TOP1: variants seen among roughly 807,000 people sequenced by gnomAD.
TOP1 encodes the protein DNA topoisomerase 1.
A neutral mutation model predicts 111.1 loss-of-function variants in TOP1; 10 were observed. The ratio of observed to expected loss-of-function variants is 0.09; its 90% CI spans 0.06 to 0.15. The LOEUF (loss-of-function observed/expected upper bound fraction) is 0.15. Among genes scored for constraint, TOP1 ranks in the 10% least tolerant of loss-of-function variants. TOP1 has a pLI of 1.00. For synonymous variants in TOP1, 271 were observed against 302.9 expected (o/e 0.89, Z 1.10); for missense variants, 474 against 926.7 (o/e 0.51, Z 6.34).
At position 41,079,145 on chromosome 20, in the gene TOP1, T is replaced by G. The variant is rs2033761012; in HGVS notation, c.336-940T>G. 6.6e-6 allele frequency among the ~76,000 whole-genome samples: 1 copy of G among 152,182 alleles called. No individual in the cohort carries two copies. Among genetic ancestry groups the G allele is most frequent in the Non-Finnish European group, 1.5e-5 (1 of 68,022 alleles). ...CAAGCAAGGGGACCCAGTATGCTTT[T>G]TTTGGTCGGAGGTACTCTTGAAACC... On this transcript the variant is annotated intron_variant, in intron 5 of 20. Transcript: ENST00000361337. The surrounding 1 kb of genome is among the most constrained non-coding windows in gnomAD (Gnocchi z 4.0).
intron 3 of TOP1, among the ~76,000 whole-genome samples, chr20:41,070,269 G>A (rs2033655153): frequency 6.6e-6 from 1 of 152,170 alleles, no homozygotes; most frequent in Non-Finnish European, 1.5e-5. Flanking sequence ...GTTAGAATGG[G>A]TATCGGTTTT....
rs528307178 is a variant in TOP1 at position 41,111,522 on chromosome 20, G to A, written c.1309-1260G>A. On this transcript the variant is annotated intron_variant, in intron 13 of 20. Transcript: ENST00000361337. ...CTGAGTACTTTTAGGATTGAGAAGT[G>A]GAAGACATTCTTGCTCTAGGTATCT... Among the ~76,000 whole-genome samples, 8 of 151,990 alleles carry A rather than the reference G, an allele frequency of 5.3e-5. No individual in the cohort carries two copies. In the East Asian group the frequency reaches 1.5e-3, roughly 29 times the overall value.
In TOP1 at chr20:41,030,912, C is replaced by T. The variant is rs2033110609; in HGVS notation, c.58+1457C>T. Among the ~76,000 whole-genome samples the T allele has an allele frequency of 6.6e-6, 1 of 152,210 alleles. No individual in the cohort carries two copies. The highest frequency in any genetic ancestry group is 2.1e-4 in the South Asian group (1 of 4,832). ...CACCAGATATGTGCCAACCACTGTG[C>T]TTGGTGCTAGAGCTGATCCTGTAAC... On this transcript the variant is annotated intron_variant, in intron 2 of 20. Transcript: ENST00000361337. The surrounding 1 kb of genome is among the most constrained non-coding windows in gnomAD (Gnocchi z 4.1).
chr20:41,115,258 T>C lies in TOP1; in HGVS notation c.1639-113T>C, dbSNP rs1011404164. The C allele has an allele frequency of 3.5e-5, 23 of 664,592 alleles. No homozygotes were observed. Among genetic ancestry groups the C allele is most frequent in the African/African-American group, 7.2e-5 (4 of 55,198 alleles). 41.2% of individuals were successfully genotyped at this position (664,592 alleles called of 1,614,324 possible). ...GTTAACAGTGAATCTCGGTGACGGA[T>C]GTATGCGTGTTCCTTGTGCCTTTTT... is the stretch of plus-strand genomic sequence containing the variant. On this transcript the variant is annotated intron_variant, in intron 15 of 20. Transcript: ENST00000361337. The surrounding 1 kb of genome is among the most constrained non-coding windows in gnomAD (Gnocchi z 6.3).
intron 2 of TOP1, among the ~76,000 whole-genome samples, chr20:41,042,278 T>G (rs1355169718): frequency 6.6e-6 from 1 of 152,258 alleles, no homozygotes; most frequent in Non-Finnish European, 1.5e-5. Context: ...AGCTTGATAC[T>G]TCACTCTAAG....
At chr20:41,091,345 A>G (rs1188600985) in intron 8 of TOP1, among the ~76,000 whole-genome samples, 1 of 152,164 alleles carries the variant, frequency 6.6e-6, no homozygotes, top group African/African-American at 2.4e-5. Context: ...ATAAATTTAG[A>G]TAAAATAGGG....
At chr20:41,090,195 G>A (rs73611256) in intron 8 of TOP1, among the ~76,000 whole-genome samples, 14 of 151,996 alleles carry the variant, frequency 9.2e-5, no homozygotes, top group African/African-American at 3.4e-4. Flanking sequence ...GGCTGGTCTC[G>A]AACTCCTGAC....
chr20:41,082,786 A>T lies in TOP1; in HGVS notation c.507+1546A>T, dbSNP rs1425779042. Among the ~76,000 whole-genome samples, 1 of 152,188 alleles carries T rather than the reference A, an allele frequency of 6.6e-6. No homozygotes were observed. The highest frequency in any genetic ancestry group is 1.9e-4 in the East Asian group (1 of 5,202). The stretch of plus-strand genomic sequence containing the variant: ...CCAATCACTCCACTTGCATATACCA[A>T]ATCAGTACAGACTAGTCAGTAAAGG... On this transcript the variant is annotated intron_variant, in intron 7 of 20. Transcript: ENST00000361337. The surrounding 1 kb of genome is among the most constrained non-coding windows in gnomAD (Gnocchi z 4.1).
At position 41,097,317 on chromosome 20, in the gene TOP1, A is replaced by T; in HGVS notation, c.828A>T (p.Lys276Asn). The change falls in exon 10 of 21, where the codon AAA (lysine) becomes AAT (asparagine). Residue 276 changes from lysine (K) to asparagine (N), a missense_variant. Physicochemically the swap from Lys to Asn is moderately conservative, Grantham distance 94 (BLOSUM62 0). Coordinates refer to ENST00000361337, the MANE Select transcript of TOP1 (RefSeq NM_003286.4). The surrounding 1 kb of genome is among the most constrained non-coding windows in gnomAD (Gnocchi z 4.2). ...ATACTACCAAGGAAATATTTAGGAAAAATTTCTTTAAAGACTGGAGAAAGG... is the reference window on the plus strand; with the variant it reads ...ATACTACCAAGGAAATATTTAGGAATAATTTCTTTAAAGACTGGAGAAAGG... The part of the protein sequence containing the change: ...HEYTTKEIFR[K>N]NFFKDWRKEM... The T allele has an allele frequency of 6.2e-7, 1 of 1,613,874 alleles. No individual in the cohort carries two copies. Among genetic ancestry groups the T allele is most frequent in the Non-Finnish European group, 8.5e-7 (1 of 1,179,900 alleles).
chr20:41,049,356 T>C (rs1363045541), intron 2 of TOP1, among the ~76,000 whole-genome samples: 2 of 152,256 alleles, frequency 1.3e-5, no homozygotes, highest in Non-Finnish European at 2.9e-5. Flanking sequence ...CAACTCTGAG[T>C]CTTTTAATGC....
chr20:41,029,315 C>T lies in TOP1; in HGVS notation c.34-116C>T. The T allele has an allele frequency of 1.0e-6, 1 of 991,426 alleles. No homozygotes were observed. Among genetic ancestry groups the T allele is most frequent in the South Asian group, 1.9e-5 (1 of 51,652 alleles). The allele number at this position is 991,426 out of a possible 1,614,324, so 61.4% of individuals were successfully genotyped here. ...GGGATGGCTGCCCTCTGTGGCCACCCCCGGGTCCCCGTCCTCCCCGGGGGC... is the reference window on the plus strand; with the variant it reads ...GGGATGGCTGCCCTCTGTGGCCACCTCCGGGTCCCCGTCCTCCCCGGGGGC... On this transcript the variant is annotated intron_variant, in intron 1 of 20. Transcript: ENST00000361337. The surrounding 1 kb of genome is among the most constrained non-coding windows in gnomAD (Gnocchi z 6.1).
In TOP1 at chr20:41,115,573, C is replaced by A; in HGVS notation, c.1707+134C>A. Reference sequence around the variant, plus strand: ...TGCTCTGTGGCATCCCATACACTCTCTCTTCCTCCCTCTGAGTCCACGGTG... The same window carrying A: ...TGCTCTGTGGCATCCCATACACTCTATCTTCCTCCCTCTGAGTCCACGGTG... On this transcript the variant is annotated intron_variant, in intron 16 of 20. Coordinates refer to ENST00000361337, the MANE Select transcript of TOP1 (RefSeq NM_003286.4). The surrounding 1 kb of genome is among the most constrained non-coding windows in gnomAD (Gnocchi z 6.3). The A allele has an allele frequency of 1.6e-6, 1 of 619,834 alleles. No homozygotes were observed. Among genetic ancestry groups the A allele is most frequent in the South Asian group, 1.9e-5 (1 of 52,162 alleles). 38.4% of individuals were successfully genotyped at this position (619,834 alleles called of 1,614,324 possible). A position where few individuals can be genotyped will look rare whatever the true frequency, so the allele number is the denominator to read the frequency against.
At chr20:41,033,816 C>G (rs555822635) in intron 2 of TOP1, among the ~76,000 whole-genome samples, 5 of 152,146 alleles carry the variant, frequency 3.3e-5, no homozygotes, top group Non-Finnish European at 5.9e-5. Context: ...AATCCAAAGT[C>G]GTTTCCTCAG....
Position 41,067,038 on chromosome 20 carries a change from T to G in TOP1, c.155+5548T>G, listed in dbSNP as rs562223819. Among the ~76,000 whole-genome samples the G allele has an allele frequency of 4.6e-5, 7 of 152,344 alleles. No homozygotes were observed. Among genetic ancestry groups the G allele is most frequent in the Admixed American group, 1.3e-4 (2 of 15,304 alleles). On this transcript the variant is annotated intron_variant, in intron 3 of 20. Coordinates refer to ENST00000361337, the MANE Select transcript of TOP1 (RefSeq NM_003286.4). This position sits in a 1 kb window ranked among gnomAD's most constrained non-coding sequence, Gnocchi z 4.0. ...CAGATGATCTGTTGTAAGCAAACTT[T>G]TAAGTACTTCTTGTTTTGATGTCTA...
At chr20:41,072,329 C>T in intron 3 of TOP1, 1 of 985,416 alleles carries the variant, frequency 1.0e-6, no homozygotes. Context: ...AATGAACTTT[C>T]TGCATTGGTC....
chr20:41,051,912 T>C (rs1054049600), intron 2 of TOP1, among the ~76,000 whole-genome samples: 5 of 152,190 alleles, frequency 3.3e-5, no homozygotes, highest in Non-Finnish European at 1.5e-5. Flanking sequence ...TTGTACCGCA[T>C]TGACAGTTGT....
chr20:41,091,552 CTTTTTTTTTTTT>C (rs532948716), intron 8 of TOP1, among the ~76,000 whole-genome samples: 10 of 96,212 alleles, frequency 1.0e-4, no homozygotes, highest in African/African-American at 4.2e-4. Context: ...AATTATTAAC[CTTTTTTTTTTTT>C]TTTTTTTTTT....
In TOP1 at chr20:41,101,034, C is replaced by T. The variant is rs1042809669; in HGVS notation, c.1164-175C>T. The T allele has an allele frequency of 2.2e-5, 13 of 597,278 alleles. No individual in the cohort carries two copies. The highest frequency in any genetic ancestry group is 8.9e-5 in the Admixed American group (3 of 33,868). The allele number at this position is 597,278 out of a possible 1,614,324, so 37.0% of individuals were successfully genotyped here. A position where few individuals can be genotyped will look rare whatever the true frequency, so the allele number is the denominator to read the frequency against. ...TCTGGAATTTTGTATTGAATATTTT[C>T]GGATGACAGTTGGCTGAGGGTAAGT... is the stretch of plus-strand genomic sequence containing the variant. On this transcript the variant is annotated intron_variant, in intron 12 of 20. Coordinates refer to ENST00000361337, the MANE Select transcript of TOP1 (RefSeq NM_003286.4). The surrounding 1 kb of genome is among the most constrained non-coding windows in gnomAD (Gnocchi z 4.1).
In TOP1 at chr20:41,069,895, G is replaced by GA. The variant is rs2033650212; in HGVS notation, c.156-6271dup. On this transcript the variant is annotated intron_variant, in intron 3 of 20. Coordinates refer to ENST00000361337, the MANE Select transcript of TOP1 (RefSeq NM_003286.4). The surrounding 1 kb of genome is among the most constrained non-coding windows in gnomAD (Gnocchi z 4.1). Reference sequence around the variant, plus strand: ...GCTAACGGAAAGTAATGGTTAGAAAGAAAAACATAAGCAAAACATAGAGGC... The same window carrying GA: ...GCTAACGGAAAGTAATGGTTAGAAAGAAAAAACATAAGCAAAACATAGAGGC... Among the ~76,000 whole-genome samples, 1 of 152,114 alleles carries GA rather than the reference G, an allele frequency of 6.6e-6. No individual in the cohort carries two copies. The highest frequency in any genetic ancestry group is 1.5e-5 in the Non-Finnish European group (1 of 68,020).
Sources: gnomAD v4.1 joint callset for allele counts (sites outside exome capture counted in the v4.1 genomes callset) on GRCh38, gnomAD v4.1.1 for gene constraint, Gnocchi (gnomAD v3.1) non-coding constraint, MANE v1.5 for transcripts, NCBI Gene and HGNC (gene_info 2026-07-23, HGNC 2026-07-21) for gene names.